LMAN1L: variants seen among roughly 807,000 people sequenced by gnomAD.
LMAN1L encodes protein ERGIC-53-like.
Under a neutral mutation model 58.3 loss-of-function variants are expected in LMAN1L, and 60 were observed. The ratio of observed to expected loss-of-function variants is 1.03; its 90% CI spans 0.84 to 1.27. LMAN1L has a LOEUF of 1.27. Ranked by LOEUF, LMAN1L falls within the 50% of genes most tolerant of loss-of-function variation. LMAN1L has a pLI of 0.00. For missense variants in LMAN1L, 629 were observed against 674.0 expected (o/e 0.93, Z 0.74); for synonymous variants, 280 against 271.6 (o/e 1.03, Z -0.31).
At chr15:74,816,754 C>A (rs995443345) in intron 4 of LMAN1L, 64 bp downstream of exon 4, 11 of 1,484,430 alleles carry the variant, frequency 7.4e-6, no homozygotes, top group East Asian at 4.8e-5. Flanking sequence ...CCATCCCCCC[C>A]ATCCGAGCCC....
rs979950794 is a variant in LMAN1L at position 74,816,156 on chromosome 15, G to A, written c.176-1G>A. 1.1e-5 allele frequency: 17 copies of A among 1,547,452 alleles called. No individual in the cohort carries two copies. The highest frequency in any genetic ancestry group is 1.5e-5 in the Non-Finnish European group (17 of 1,146,654). Reference sequence around the variant, plus strand: ...GGGGCTTGAGCTGCCCTTGTCCACAGACGCCATCCTGGGCCTGGAGGAAGT... The same window carrying A: ...GGGGCTTGAGCTGCCCTTGTCCACAAACGCCATCCTGGGCCTGGAGGAAGT... On this transcript the variant is annotated splice_acceptor_variant, in intron 1 of 13. Transcript: ENST00000309664. LOFTEE classifies it high-confidence loss of function.
Position 74,818,760 on chromosome 15 carries a change from C to G in LMAN1L, c.540C>G (p.Phe180Leu). 4 of 1,611,834 alleles carry G rather than the reference C, an allele frequency of 2.5e-6. No homozygotes were observed. Among genetic ancestry groups the G allele is most frequent in the Non-Finnish European group, 3.4e-6 (4 of 1,179,270 alleles). ...GGCTGGGCTCCTGTCATTGGGACTTCCGGAACCGGCCACACCCCTTCAGAG... is the reference window on the plus strand; with the variant it reads ...GGCTGGGCTCCTGTCATTGGGACTTGCGGAACCGGCCACACCCCTTCAGAG... ...SQGLGSCHWD[F>L]RNRPHPFRAR... Residue 180 changes from phenylalanine (F) to leucine (L), a missense_variant, in exon 5 of 14, where the codon TTC becomes TTG. Coordinates refer to ENST00000309664, the MANE Select transcript of LMAN1L (RefSeq NM_021819.3).
chr15:74,820,317 G>A (rs968908998), intron 7 of LMAN1L: 9 of 618,506 alleles, frequency 1.5e-5, no homozygotes, highest in Admixed American at 5.6e-5. Flanking sequence ...AGTTCAGAGC[G>A]ATCAGTGCCA....
At chr15:74,821,376 G>A in intron 9 of LMAN1L, 150 bp downstream of exon 9, 1 of 984,848 alleles carries the variant, frequency 1.0e-6, no homozygotes, top group Middle Eastern at 3.2e-4. Flanking sequence ...AGGGCAGCAT[G>A]CAGGATGGCA....
At chr15:74,820,192 T>C (rs1006147584) in intron 7 of LMAN1L, 93 bp downstream of exon 7, 1 of 1,114,756 alleles carries the variant, frequency 9.0e-7, no homozygotes, top group African/African-American at 1.5e-5. Flanking sequence ...TTCCAGCCCT[T>C]ACCTCCACCT....
intron 7 of LMAN1L, 75 bp downstream of exon 7, chr15:74,820,174 A>C (rs920657756): frequency 7.6e-5 from 99 of 1,307,450 alleles, no homozygotes; most frequent in East Asian, 2.3e-5. Context: ...GTGCCCTCAG[A>C]CCTGCCATTC....
At chr15:74,820,194 C>T (rs2063910076) in intron 7 of LMAN1L, 95 bp downstream of exon 7, 5 of 1,112,448 alleles carry the variant, frequency 4.5e-6, no homozygotes, top group South Asian at 3.7e-5. Context: ...CCAGCCCTTA[C>T]CTCCACCTGG....
In LMAN1L at chr15:74,818,748, T is replaced by G; in HGVS notation, c.528T>G (p.Cys176Trp). 1 of 1,611,454 alleles carries G rather than the reference T, an allele frequency of 6.2e-7. No homozygotes were observed. Among genetic ancestry groups the G allele is most frequent in the Non-Finnish European group, 8.5e-7 (1 of 1,179,148 alleles). The change falls in exon 5 of 14, where the codon TGT becomes TGG. Residue 176 changes from cysteine (C) to tryptophan (W), a missense_variant. Physicochemically the swap from Cys to Trp is radical, Grantham distance 215. Transcript: ENST00000309664. The stretch of plus-strand genomic sequence containing the variant: ...GAGCTAGCCAAGGGCTGGGCTCCTG[T>G]CATTGGGACTTCCGGAACCGGCCAC... The part of the protein sequence containing the change: ...GDGASQGLGS[C>W]HWDFRNRPHP...
intron 12 of LMAN1L, 74 bp from the exon 13 acceptor site, chr15:74,824,277 A>C: frequency 1.4e-6 from 2 of 1,424,122 alleles, no homozygotes; most frequent in South Asian, 2.5e-5. Flanking sequence ...GAGCATGCAC[A>C]TGGCCTAGAT....
At chr15:74,825,076 C>G (rs775100080) in intron 13 of LMAN1L, 23 of 164,304 alleles carry the variant, frequency 1.4e-4, no homozygotes, top group Non-Finnish European at 2.8e-4. Flanking sequence ...GAACGTGCAC[C>G]GTTTAGAGAT....
At chr15:74,824,246 CAAGCCT>C in intron 12 of LMAN1L, 99 bp from the exon 13 acceptor site, 1 of 1,173,742 alleles carries the variant, frequency 8.5e-7, no homozygotes, top group Non-Finnish European at 1.2e-6. Context: ...CAGGACGCCC[CAAGCCT>C]GGGGAAAGGA....
At position 74,825,536 on chromosome 15, in the gene LMAN1L, T is replaced by C. The variant is rs2063937773; in HGVS notation, c.1512T>C (p.Pro504=). Residue 504 remains proline (P), a synonymous_variant, in exon 14 of 14, where the codon CCT becomes CCC. Coordinates refer to ENST00000309664, the MANE Select transcript of LMAN1L (RefSeq NM_021819.3). The stretch of plus-strand genomic sequence containing the variant: ...CCACAGGCAGCCTTCCTCTGGGTCC[T>C]GCACCACACACCCCCAGGGCCCTGG... ...CLSTGSLPLG[P]APHTPRALGI... 1.9e-6 allele frequency: 3 copies of C among 1,613,836 alleles called. No individual in the cohort carries two copies. The East Asian group carries it at 6.7e-5, about 36-fold the overall frequency.
chr15:74,816,050 T>C, intron 1 of LMAN1L, 107 bp from the exon 2 acceptor site: 1 of 1,352,590 alleles, frequency 7.4e-7, no homozygotes, highest in Non-Finnish European at 9.9e-7. Flanking sequence ...TGGTAGGCCT[T>C]GGCATTGTCG....
At chr15:74,822,831 C>T in intron 11 of LMAN1L, 122 bp downstream of exon 11, 1 of 709,556 alleles carries the variant, frequency 1.4e-6, no homozygotes. Flanking sequence ...ATTGGAAGGG[C>T]TACTGGTGGA....
rs917974800 is a variant in LMAN1L at position 74,816,207 on chromosome 15, C to A, written c.226C>A (p.Arg76=). ...GCGGCTGACGCCATCCATGAGGAAC[C>A]GGAGTGGCGCCGTGTGGAGCAGGGC... ...EVRLTPSMRN[R]SGAVWSRASV... is the part of the protein sequence containing the mutation. Residue 76 remains arginine, a synonymous_variant, in exon 2 of 14, where the codon CGG becomes AGG. Coordinates refer to ENST00000309664, the MANE Select transcript of LMAN1L (RefSeq NM_021819.3). The A allele has an allele frequency of 6.4e-7, 1 of 1,567,260 alleles. No individual in the cohort carries two copies. The highest frequency in any genetic ancestry group is 1.4e-5 in the African/African-American group (1 of 73,738).
At chr15:74,821,355 C>G in intron 9 of LMAN1L, 129 bp downstream of exon 9, 2 of 1,104,570 alleles carry the variant, frequency 1.8e-6, no homozygotes, top group Non-Finnish European at 2.6e-6. Flanking sequence ...CTGCAGGTCA[C>G]AGGATGGGGC....
chr15:74,818,867 A>G (rs773488238), intron 5 of LMAN1L, 50 bp downstream of exon 5: 9 of 1,492,528 alleles, frequency 6.0e-6, no homozygotes, highest in South Asian at 1.2e-5. Context: ...CAGAGCTGCT[A>G]TGTGTGCGTG....
intron 12 of LMAN1L, 167 bp from the exon 13 acceptor site, chr15:74,824,184 G>T (rs550293231): frequency 7.5e-6 from 5 of 668,482 alleles, no homozygotes; most frequent in East Asian, 2.5e-5. Context: ...GAGCTGGGGT[G>T]GGGGAGGCAG....
chr15:74,824,112 T>G (rs1418653113), intron 12 of LMAN1L: 2 of 580,332 alleles, frequency 3.4e-6, no homozygotes, highest in Non-Finnish European at 6.1e-6. Flanking sequence ...TCTTGAACCC[T>G]GGGCCCCTTG....
Sources: allele counts gnomAD v4.1 joint callset, GRCh38; gene constraint gnomAD v4.1.1; transcripts MANE v1.5; gene names NCBI Gene and HGNC (gene_info 2026-07-23, HGNC 2026-07-21).